The following STX1A variants were observed in gnomAD, a reference collection of about 807,000 sequenced individuals.
STX1A encodes syntaxin-1A.
In STX1A, 4 loss-of-function variants were observed where a neutral mutation model predicts 37.8. The observed-to-expected ratio is 0.11, with a 90% confidence interval of 0.05 to 0.24. STX1A has a LOEUF of 0.24. Ranked by LOEUF, STX1A falls within the 10% of genes least tolerant of loss-of-function variation. The pLI is 1.00. For synonymous variants in STX1A, 135 were observed against 147.4 expected (o/e 0.92, Z 0.61); for missense variants, 251 against 399.9 (o/e 0.63, Z 3.18).
intron 1 of STX1A, among the ~76,000 whole-genome samples, chr7:73,716,386 C>A (rs1379422297): frequency 6.6e-6 from 1 of 152,256 alleles, no homozygotes; most frequent in African/African-American, 2.4e-5. Flanking sequence ...GAAGGGGAAA[C>A]TGATGGGCAA....
intron 7 of STX1A, 136 bp downstream of exon 7, chr7:73,703,619 C>G: frequency 9.5e-7 from 1 of 1,053,974 alleles, no homozygotes; most frequent in Admixed American, 1.8e-5. Flanking sequence ...TTTCCCCTCT[C>G]TGGGACTCTT....
At chr7:73,703,599 A>G (rs1197888647) in intron 7 of STX1A, 156 bp downstream of exon 7, 1 of 892,504 alleles carries the variant, frequency 1.1e-6, no homozygotes, top group Non-Finnish European at 1.8e-6. Context: ...ATGTGACCTC[A>G]GCCTGGTGTT....
chr7:73,706,422 C>T lies in STX1A; in HGVS notation c.209-1198G>A, dbSNP rs1254818647. Among the ~76,000 whole-genome samples, 3 of 152,014 alleles carry T rather than the reference C, an allele frequency of 2.0e-5. No individual in the cohort carries two copies. The highest frequency in any genetic ancestry group is 2.1e-4 in the South Asian group (1 of 4,818). On this transcript the variant is annotated intron_variant, in intron 3 of 9. Coordinates refer to ENST00000222812, the MANE Select transcript of STX1A (RefSeq NM_004603.4). The surrounding 1 kb of genome is among the most constrained non-coding windows in gnomAD (Gnocchi z 4.6). ...GCAGAGCCTGCCTTGCCCGGGAGAGCCCCCCACTCATTGCCATCTTTCCTT... is the reference window on the plus strand; with the variant it reads ...GCAGAGCCTGCCTTGCCCGGGAGAGTCCCCCACTCATTGCCATCTTTCCTT...
Position 73,702,681 on chromosome 7 carries a change from C to A in STX1A, c.678+164G>T. The A allele has an allele frequency of 6.7e-7, 1 of 1,486,528 alleles. No individual in the cohort carries two copies. The allele number at this position is 1,486,528 out of a possible 1,614,324, so 92.1% of individuals were successfully genotyped here. A position where few individuals can be genotyped will look rare whatever the true frequency, so the allele number is the denominator to read the frequency against. ...GAGCCATGCAGAGGACAGGGACCTTCGGGTCGGCAGGGCCCTGGCGGCAGT... is the reference window on the plus strand; with the variant it reads ...GAGCCATGCAGAGGACAGGGACCTTAGGGTCGGCAGGGCCCTGGCGGCAGT... On this transcript the variant is annotated intron_variant, in intron 8 of 9. Transcript: ENST00000222812. The surrounding 1 kb of genome is among the most constrained non-coding windows in gnomAD (Gnocchi z 4.7).
chr7:73,710,370 G>C (rs1462642341), intron 1 of STX1A, among the ~76,000 whole-genome samples: 2 of 152,218 alleles, frequency 1.3e-5, no homozygotes, highest in Non-Finnish European at 2.9e-5. Flanking sequence ...GGCCACCCTG[G>C]GGCAGGGACT....
intron 7 of STX1A, chr7:73,703,425 AC>A (rs782525702): frequency 2.3e-5 from 14 of 601,728 alleles, no homozygotes; most frequent in Non-Finnish European, 3.7e-5. Flanking sequence ...TTCAGGGAGC[AC>A]CCCTGCCCGG....
chr7:73,709,170 C>G lies in STX1A; in HGVS notation c.31-48G>C. 2 of 1,591,342 alleles carry G rather than the reference C, an allele frequency of 1.3e-6. No homozygotes were observed. The highest frequency in any genetic ancestry group is 8.6e-7 in the Non-Finnish European group (1 of 1,168,026). On this transcript the variant is annotated intron_variant, in intron 1 of 9. Coordinates refer to ENST00000222812, the MANE Select transcript of STX1A (RefSeq NM_004603.4). The surrounding 1 kb of genome is among the most constrained non-coding windows in gnomAD (Gnocchi z 4.2). ...AAGTGGACGTATGTACAGGACCCAC[C>G]TGTACACACGCAGGTGCCCAGGGTA...
intron 3 of STX1A, 48 bp downstream of exon 3, chr7:73,708,541 C>T (rs1438489045): frequency 1.3e-6 from 2 of 1,567,734 alleles, no homozygotes; most frequent in East Asian, 2.3e-5. Flanking sequence ...GCAGCCCCTT[C>T]CCGAGGCTTG....
At position 73,699,559 on chromosome 7, in the gene STX1A, A is replaced by G. The variant is rs1798570735; in HGVS notation, c.*848T>C. On this transcript the variant is annotated 3_prime_UTR_variant, in exon 10 of 10. Transcript: ENST00000222812. ...GGGACACGTGACACCCACGTGGCAC[A>G]TCGATGGGAGGATGGCAAGGGCAGG... 1 of 152,690 alleles carries G rather than the reference A, an allele frequency of 6.5e-6. No homozygotes were observed. Among genetic ancestry groups the G allele is most frequent in the South Asian group, 2.1e-4 (1 of 4,830 alleles). The allele number at this position is 152,690 out of a possible 1,614,324, so 9.5% of individuals were successfully genotyped here. A position where few individuals can be genotyped will look rare whatever the true frequency, so the allele number is the denominator to read the frequency against.
At position 73,700,678 on chromosome 7, in the gene STX1A, G is replaced by A; in HGVS notation, c.789+52C>T. The A allele has an allele frequency of 6.2e-7, 1 of 1,606,268 alleles. No individual in the cohort carries two copies. Among genetic ancestry groups the A allele is most frequent in the Non-Finnish European group, 8.5e-7 (1 of 1,175,836 alleles). ...ATGGGGAGGGATGTGGGATGGTTGGGGGTCCCTAATGGGTGCTGGGGCATG... is the reference window on the plus strand; with the variant it reads ...ATGGGGAGGGATGTGGGATGGTTGGAGGTCCCTAATGGGTGCTGGGGCATG... On this transcript the variant is annotated intron_variant, in intron 9 of 9. Transcript: ENST00000222812. This position sits in a 1 kb window ranked among gnomAD's most constrained non-coding sequence, Gnocchi z 4.4.
chr7:73,715,662 C>T (rs1398758358), intron 1 of STX1A, among the ~76,000 whole-genome samples: 4 of 152,178 alleles, frequency 2.6e-5, no homozygotes, highest in Non-Finnish European at 5.9e-5. Context: ...CTCCAAGAGG[C>T]GCAGAGGCCA....
At chr7:73,707,116 G>T (rs782754447) in intron 3 of STX1A, among the ~76,000 whole-genome samples, 1 of 152,158 alleles carries the variant, frequency 6.6e-6, no homozygotes, top group Non-Finnish European at 1.5e-5. Context: ...ATCTGACCCC[G>T]GGCACCTGGG....
chr7:73,705,539 G>A lies in STX1A; in HGVS notation c.209-315C>T. Reference sequence around the variant, plus strand: ...AAGTAATTGTGGAGCAGCTGGCGATGCTGGAGTTGGCGCCGGGAACAGTGA... The same window carrying A: ...AAGTAATTGTGGAGCAGCTGGCGATACTGGAGTTGGCGCCGGGAACAGTGA... On this transcript the variant is annotated intron_variant, in intron 3 of 9. Coordinates refer to ENST00000222812, the MANE Select transcript of STX1A (RefSeq NM_004603.4). The surrounding 1 kb of genome is among the most constrained non-coding windows in gnomAD (Gnocchi z 5.2). The A allele has an allele frequency of 3.1e-6, 1 of 327,340 alleles. No homozygotes were observed. Among genetic ancestry groups the A allele is most frequent in the Non-Finnish European group, 5.8e-6 (1 of 172,776 alleles). 20.3% of individuals were successfully genotyped at this position (327,340 alleles called of 1,614,324 possible). A position where few individuals can be genotyped will look rare whatever the true frequency, so the allele number is the denominator to read the frequency against.
chr7:73,702,647 G>A lies in STX1A; in HGVS notation c.678+198C>T. On this transcript the variant is annotated intron_variant, in intron 8 of 9. Transcript: ENST00000222812. This position sits in a 1 kb window ranked among gnomAD's most constrained non-coding sequence, Gnocchi z 4.7. ...CCATGCAGGGCCTGGGGTCCTTGAA[G>A]CTCAAGCAGAGCCATGCAGAGGACA... The A allele has an allele frequency of 7.0e-7, 1 of 1,437,398 alleles. No individual in the cohort carries two copies. Among genetic ancestry groups the A allele is most frequent in the Non-Finnish European group, 9.2e-7 (1 of 1,092,738 alleles). 89.0% of individuals were successfully genotyped at this position (1,437,398 alleles called of 1,614,324 possible).
chr7:73,703,020 G>T, intron 7 of STX1A, 38 bp from the exon 8 acceptor site: 1 of 1,541,454 alleles, frequency 6.5e-7, no homozygotes. Context: ...CCAGAGGCTT[G>T]CTGAGGGGCA....
At chr7:73,704,653 CGT>C (rs34879320) in intron 4 of STX1A, 2 of 591,758 alleles carry the variant, frequency 3.4e-6, no homozygotes, top group African/African-American at 1.9e-5. Flanking sequence ...CCAAGCTCTG[CGT>C]GTGTGTGAGG....
In STX1A at chr7:73,700,020, G is replaced by A. The variant is rs184717403; in HGVS notation, c.*387C>T. 3 of 290,428 alleles carry A rather than the reference G, an allele frequency of 1.0e-5. No homozygotes were observed. The highest frequency in any genetic ancestry group is 6.5e-5 in the African/African-American group (3 of 46,464). The allele number at this position is 290,428 out of a possible 1,614,324, so 18.0% of individuals were successfully genotyped here. ...AGGGCTCTGCTTGTGGGGACAGCTG[G>A]AGAGGACAGGGCAGGTCAGCTGGAG... On this transcript the variant is annotated 3_prime_UTR_variant, in exon 10 of 10. Coordinates refer to ENST00000222812, the MANE Select transcript of STX1A (RefSeq NM_004603.4). This position sits in a 1 kb window ranked among gnomAD's most constrained non-coding sequence, Gnocchi z 4.4.
At chr7:73,711,590 A>G (rs1183927954) in intron 1 of STX1A, among the ~76,000 whole-genome samples, 1 of 151,976 alleles carries the variant, frequency 6.6e-6, no homozygotes, top group Non-Finnish European at 1.5e-5. Context: ...CTAGGAGTTG[A>G]GTCAGAGGAG....
At chr7:73,718,168 G>A (rs566357316) in intron 1 of STX1A, among the ~76,000 whole-genome samples, 1 of 152,306 alleles carries the variant, frequency 6.6e-6, no homozygotes, top group Non-Finnish European at 1.5e-5. Context: ...CAGGGGCCGC[G>A]GGGGAAGTGT....
Sources: allele counts gnomAD v4.1 joint callset (sites outside exome capture counted in the v4.1 genomes callset), GRCh38; gene constraint gnomAD v4.1.1; non-coding constraint Gnocchi (gnomAD v3.1); transcripts MANE v1.5; gene names NCBI Gene and HGNC (gene_info 2026-07-23, HGNC 2026-07-21).